SSBP4: variants seen among roughly 807,000 people sequenced by gnomAD.
The protein encoded by SSBP4 is single-stranded DNA-binding protein 4.
Under a neutral mutation model 64.6 loss-of-function variants are expected in SSBP4, and 33 were observed. That is an observed-to-expected ratio of 0.51 (90% CI 0.39 to 0.68). The LOEUF (loss-of-function observed/expected upper bound fraction) is 0.68, where lower values mean the gene tolerates loss of function less well. SSBP4 is among the 30% of genes least tolerant of loss of function. The probability of loss-of-function intolerance (pLI) is 0.00; values close to 1 mark genes in which losing one functional copy is unlikely to be tolerated. For synonymous variants in SSBP4, 243 were observed against 224.0 expected, an observed-to-expected ratio of 1.08 and a Z score of -0.76; for missense variants, 583 against 566.8, an observed-to-expected ratio of 1.03 and a Z score of -0.29.
chr19:18,413,560 A>C, the SSBP4 span, among the ~76,000 whole-genome samples: 2 of 152,126 alleles, frequency 1.3e-5, no homozygotes, highest in Admixed American at 6.5e-5. Flanking sequence ...TTTCCCAGAA[A>C]ACAGACCCAA....
chr19:18,412,742 T>C, the SSBP4 span, among the ~76,000 whole-genome samples: 1 of 152,092 alleles, frequency 6.6e-6, no homozygotes, highest in African/African-American at 2.4e-5. Flanking sequence ...GGCGCACACC[T>C]GTGGTCCTAG....
In SSBP4 at chr19:18,427,334, C is replaced by T; in HGVS notation, c.60-17C>T. 6.2e-7 allele frequency: 1 copy of T among 1,607,570 alleles called. No homozygotes were observed. The highest frequency in any genetic ancestry group is 8.5e-7 in the Non-Finnish European group (1 of 1,179,542). The stretch of plus-strand genomic sequence containing the variant: ...CCTTGGAGAGTCTGAGCTCCCTGGG[C>T]CGCCTCGCCCCCACAGGTTGGCGCT... On this transcript the variant is annotated splice_polypyrimidine_tract_variant and intron_variant, in intron 1 of 17. Coordinates refer to ENST00000270061, the MANE Select transcript of SSBP4 (RefSeq NM_032627.5). This position sits in a 1 kb window ranked among gnomAD's most constrained non-coding sequence, Gnocchi z 4.4.
intron 1 of SSBP4, among the ~76,000 whole-genome samples, chr19:18,420,309 C>G (rs1972351641): frequency 6.6e-6 from 1 of 152,074 alleles, no homozygotes; most frequent in Non-Finnish European, 1.5e-5. Flanking sequence ...GACGGAGCCG[C>G]TCTCTTGATA....
At chr19:18,413,661 C>G in the SSBP4 span, among the ~76,000 whole-genome samples, 1 of 152,152 alleles carries the variant, frequency 6.6e-6, no homozygotes, top group Admixed American at 6.6e-5. Flanking sequence ...CAGGGGAGGT[C>G]GTGGGAAATG....
chr19:18,427,968 G>A lies in SSBP4; in HGVS notation c.265G>A (p.Ala89Thr). The A allele has an allele frequency of 2.5e-6, 4 of 1,611,990 alleles. No homozygotes were observed. The highest frequency in any genetic ancestry group is 3.4e-6 in the Non-Finnish European group (4 of 1,179,664). ...EACEHSGEAKAFQDYSAAAAP... is the reference protein window; with the variant it reads ...EACEHSGEAKTFQDYSAAAAP... ...CTGCGAGCACTCCGGCGAGGCCAAGGCCTTCCAGGACTATGTGAGTCCTGG... is the reference window on the plus strand; with the variant it reads ...CTGCGAGCACTCCGGCGAGGCCAAGACCTTCCAGGACTATGTGAGTCCTGG... Residue 89 changes from alanine to threonine, a missense_variant, in exon 4 of 18, where the codon GCC becomes ACC. By Grantham distance (58) the Ala-to-Thr change is moderately conservative. This residue lies in a region of SSBP4 where 444 missense variants were observed against 386.6 expected (regional missense o/e 1.15). Transcript: ENST00000270061. The surrounding 1 kb of genome is among the most constrained non-coding windows in gnomAD (Gnocchi z 4.4).
the SSBP4 span, among the ~76,000 whole-genome samples, chr19:18,409,848 T>TTGAGTC: frequency 1.3e-5 from 2 of 152,040 alleles, no homozygotes; most frequent in African/African-American, 4.8e-5. Flanking sequence ...TCTTTCTTTT[T>TTGAGTC]TGAGTCTGAG....
intron 4 of SSBP4, among the ~76,000 whole-genome samples, chr19:18,429,848 G>A (rs973250852): frequency 2.6e-5 from 4 of 152,162 alleles, no homozygotes; most frequent in African/African-American, 9.6e-5. Flanking sequence ...CGGGAGGCTT[G>A]AGGCTAACCT....
chr19:18,430,990 G>A (rs1194871482), intron 5 of SSBP4, 60 bp downstream of exon 5: 23 of 1,520,562 alleles, frequency 1.5e-5, no homozygotes, highest in Middle Eastern at 3.4e-4. Flanking sequence ...GTTTGAGGGT[G>A]GGGGGGGTCC....
chr19:18,404,799 G>C, the SSBP4 span, among the ~76,000 whole-genome samples: 1 of 148,664 alleles, frequency 6.7e-6, no homozygotes, highest in African/African-American at 2.5e-5. Flanking sequence ...GGCTGAGGCA[G>C]GAGAATAGCG....
chr19:18,414,625 G>A (rs564910124), upstream of SSBP4, among the ~76,000 whole-genome samples: 1 of 152,306 alleles, frequency 6.6e-6, no homozygotes, highest in East Asian at 1.9e-4. Flanking sequence ...GGGCTTCGAT[G>A]TGTGGCCGGT....
chr19:18,419,596 C>A lies in SSBP4; in HGVS notation c.-53C>A. 1 of 1,235,104 alleles carries A rather than the reference C, an allele frequency of 8.1e-7. No individual in the cohort carries two copies. 76.5% of individuals were successfully genotyped at this position (1,235,104 alleles called of 1,614,324 possible). A position where few individuals can be genotyped will look rare whatever the true frequency, so the allele number is the denominator to read the frequency against. On this transcript the variant is annotated 5_prime_UTR_variant, in exon 1 of 18. Transcript: ENST00000270061. ...GTAGCTATGGCGACGGCAAGCGCGG[C>A]CCGCGGCGCCGCCTGACAGGTGTGG...
intron 5 of SSBP4, 139 bp downstream of exon 5, chr19:18,431,069 G>A: frequency 9.7e-7 from 1 of 1,030,732 alleles, no homozygotes; most frequent in South Asian, 1.4e-5. Context: ...CCGCAGGTGT[G>A]CCCAGGTGGG....
the SSBP4 span, among the ~76,000 whole-genome samples, chr19:18,409,341 G>A: frequency 2.3e-4 from 35 of 151,904 alleles, no homozygotes; most frequent in African/African-American, 7.3e-5. Context: ...TGTGCGCCAC[G>A]TCAATTGGCT....
Position 18,426,141 on chromosome 19 carries a change from A to G in SSBP4, c.60-1210A>G, listed in dbSNP as rs1329135510. 6.6e-6 allele frequency: 1 copy of G among 152,426 alleles called. No individual in the cohort carries two copies. Among genetic ancestry groups the G allele is most frequent in the Admixed American group, 6.5e-5 (1 of 15,282 alleles). The allele number at this position is 152,426 out of a possible 1,614,324, so 9.4% of individuals were successfully genotyped here. A position where few individuals can be genotyped will look rare whatever the true frequency, so the allele number is the denominator to read the frequency against. On this transcript the variant is annotated intron_variant, in intron 1 of 17. Coordinates refer to ENST00000270061, the MANE Select transcript of SSBP4 (RefSeq NM_032627.5). The surrounding 1 kb of genome is among the most constrained non-coding windows in gnomAD (Gnocchi z 4.5). ...GCCGGGGCAGGAACAGGAGGACTGG[A>G]AATCTGAAAGGGACTTGGGGGCCCT...
upstream of SSBP4, among the ~76,000 whole-genome samples, chr19:18,416,174 C>T (rs1402210819): frequency 2.0e-5 from 3 of 152,104 alleles, no homozygotes; most frequent in African/African-American, 7.2e-5. Context: ...GCCACTACAC[C>T]CAGCTAATTT....
At chr19:18,413,613 G>GGGA in the SSBP4 span, among the ~76,000 whole-genome samples, 1 of 152,216 alleles carries the variant, frequency 6.6e-6, no homozygotes, top group Non-Finnish European at 1.5e-5. Flanking sequence ...ATCCGGCCAT[G>GGGA]GGAGCTGGGG....
chr19:18,416,957 CTG>C (rs1216937561), upstream of SSBP4, among the ~76,000 whole-genome samples: 1 of 152,216 alleles, frequency 6.6e-6, no homozygotes, highest in African/African-American at 2.4e-5. Context: ...AGCGCCCAGG[CTG>C]TGTTTGGAGA....
At chr19:18,419,323 C>A (rs529016026), upstream of SSBP4, 6 of 1,009,272 alleles carry the variant, frequency 5.9e-6, no homozygotes, top group African/African-American at 8.7e-5. Flanking sequence ...CGCCATCGCC[C>A]CTTTAAGAGC....
intron 4 of SSBP4, among the ~76,000 whole-genome samples, chr19:18,428,508 G>A (rs1205524333): frequency 6.6e-6 from 1 of 152,180 alleles, no homozygotes; most frequent in Non-Finnish European, 1.5e-5. Context: ...GTCAGAGGCC[G>A]GCCTGGAGTG....
Sources: gnomAD v4.1 joint callset for allele counts (sites outside exome capture counted in the v4.1 genomes callset) on GRCh38, gnomAD v4.1.1 for gene constraint, gnomAD v4.1.1 regional missense constraint, Gnocchi (gnomAD v3.1) non-coding constraint, MANE v1.5 for transcripts, NCBI Gene and HGNC (gene_info 2026-07-23, HGNC 2026-07-21) for gene names.